CELF2: variants seen among roughly 807,000 people sequenced by gnomAD.
CELF2 encodes CUG triplet repeat RNA-binding protein 2.
Under a neutral mutation model 62.6 loss-of-function variants are expected in CELF2, and 8 were observed. The ratio of observed to expected loss-of-function variants is 0.13; its 90% CI spans 0.07 to 0.23. The LOEUF is 0.23. Among genes scored for constraint, CELF2 ranks in the 10% least tolerant of loss-of-function variants. CELF2 has a pLI of 1.00. For synonymous variants in CELF2, 258 were observed against 250.0 expected, an observed-to-expected ratio of 1.03 and a Z score of -0.30; for missense variants, 333 against 671.0, an observed-to-expected ratio of 0.50 and a Z score of 5.56.
intron 1 of CELF2, among the ~76,000 whole-genome samples, chr10:11,123,031 G>C (rs1212589239): frequency 6.6e-6 from 1 of 152,076 alleles, no homozygotes; most frequent in African/African-American, 2.4e-5. Context: ...GTAGCAAAAA[G>C]AAGAAAAATA....
At chr10:11,064,305 A>G (rs924129859) in intron 1 of CELF2, among the ~76,000 whole-genome samples, 2 of 152,122 alleles carry the variant, frequency 1.3e-5, no homozygotes, top group East Asian at 1.9e-4. Context: ...CCACATTTAG[A>G]TTAATTGACT....
rs183754557 is a variant in CELF2, at chr10:11,076,771, A to T, written c.74+58608A>T. ...ACTTAGGTCTGTTTTTAACTTCCTA[A>T]GCCTTAGGAAAATTTAAATCACCTG... On this transcript the variant is annotated intron_variant, in intron 1 of 12. Coordinates refer to ENST00000633077, the MANE Select transcript of CELF2 (RefSeq NM_001326342.2). Among the ~76,000 whole-genome samples the T allele has an allele frequency of 9.0e-4, 137 of 152,284 alleles. 3 individuals are homozygous for T. The highest frequency in any genetic ancestry group is 3.2e-3 in the African/African-American group (135 of 41,566).
chr10:11,149,827 C>G (rs116468748), intron 1 of CELF2, among the ~76,000 whole-genome samples: 1 of 152,168 alleles, frequency 6.6e-6, no homozygotes, highest in African/African-American at 2.4e-5. Flanking sequence ...GTTACCTCAT[C>G]ATCTTGCATC....
At chr10:11,088,738 G>C in intron 1 of CELF2, among the ~76,000 whole-genome samples, 1 of 152,174 alleles carries the variant, frequency 6.6e-6, no homozygotes, top group East Asian at 1.9e-4. Context: ...GGACTGCGTG[G>C]GTCAGGAGTT....
At chr10:10,689,767 T>C in the CELF2 span, among the ~76,000 whole-genome samples, 1 of 152,202 alleles carries the variant, frequency 6.6e-6, no homozygotes, top group Admixed American at 6.5e-5. Context: ...CCAAGGAATT[T>C]CAATAGAATT....
At chr10:10,492,251 A>G in the CELF2 span, among the ~76,000 whole-genome samples, 14 of 152,094 alleles carry the variant, frequency 9.2e-5, no homozygotes. Flanking sequence ...AACAGCTCAA[A>G]TCCAGCCTTG....
intron 2 of CELF2, among the ~76,000 whole-genome samples, chr10:10,925,614 G>A (rs893743680): frequency 6.6e-5 from 10 of 152,096 alleles, no homozygotes; most frequent in African/African-American, 2.4e-4. Flanking sequence ...TTTCAGCAGC[G>A]AGATGGGCTA....
chr10:10,718,268 C>T, the CELF2 span, among the ~76,000 whole-genome samples: 1 of 152,070 alleles, frequency 6.6e-6, no homozygotes, highest in African/African-American at 2.4e-5. Context: ...GAACCAAAAA[C>T]GCTTCCATTC....
the CELF2 span, among the ~76,000 whole-genome samples, chr10:10,697,511 C>A: frequency 6.6e-6 from 1 of 152,110 alleles, no homozygotes; most frequent in African/African-American, 2.4e-5. Context: ...ACGCTAGACT[C>A]GGGGTCTCCT....
intron 2 of CELF2, among the ~76,000 whole-genome samples, chr10:10,971,268 C>A (rs191345867): frequency 3.9e-5 from 6 of 152,270 alleles, no homozygotes; most frequent in Admixed American, 3.3e-4. Context: ...CAGCTACTTT[C>A]TTTTTATACA....
chr10:10,895,448 T>C (rs2062477177), intron 1 of CELF2, among the ~76,000 whole-genome samples: 1 of 152,094 alleles, frequency 6.6e-6, no homozygotes, highest in Non-Finnish European at 1.5e-5. Context: ...TTGTTGCTCA[T>C]AGCAAAATGA....
chr10:11,030,293 A>G (rs1035129830), intron 1 of CELF2: 2 of 152,234 alleles, frequency 1.3e-5, no homozygotes, highest in African/African-American at 4.8e-5. Context: ...AAATTTCCTC[A>G]ATAATTTGTG....
the CELF2 span, among the ~76,000 whole-genome samples, chr10:10,785,208 C>A: frequency 1.3e-5 from 2 of 152,112 alleles, no homozygotes; most frequent in Non-Finnish European, 2.9e-5. Context: ...CCGAACCCAC[C>A]CTTTACATCA....
At chr10:10,739,162 T>C in the CELF2 span, among the ~76,000 whole-genome samples, 1 of 152,302 alleles carries the variant, frequency 6.6e-6, no homozygotes, top group Admixed American at 6.5e-5. Flanking sequence ...ATGATATATG[T>C]TTATATGTAT....
chr10:10,527,001 G>A, the CELF2 span, among the ~76,000 whole-genome samples: 2 of 152,168 alleles, frequency 1.3e-5, no homozygotes, highest in African/African-American at 4.8e-5. Context: ...AAAATGTTAT[G>A]GTTTCATTAC....
At chr10:10,654,952 T>C in the CELF2 span, among the ~76,000 whole-genome samples, 92 of 143,348 alleles carry the variant, frequency 6.4e-4, 1 homozygote, top group East Asian at 7.3e-3. Context: ...GACGACATGA[T>C]TGTATATCTA....
chr10:11,214,313 A>G lies in CELF2; in HGVS notation c.272-3112A>G, dbSNP rs1190742061. Among the ~76,000 whole-genome samples the G allele has an allele frequency of 6.6e-6, 1 of 152,152 alleles. No individual in the cohort carries two copies. The highest frequency in any genetic ancestry group is 1.5e-5 in the Non-Finnish European group (1 of 67,994). On this transcript the variant is annotated intron_variant, in intron 2 of 12. Coordinates refer to ENST00000633077, the MANE Select transcript of CELF2 (RefSeq NM_001326342.2). The surrounding 1 kb of genome is among the most constrained non-coding windows in gnomAD (Gnocchi z 4.2). ...AAATAAATTTTTTAATGATGAAACTAACTAAGGTACTGAGGAGGTAAGATA... is the reference window on the plus strand; with the variant it reads ...AAATAAATTTTTTAATGATGAAACTGACTAAGGTACTGAGGAGGTAAGATA...
the CELF2 span, among the ~76,000 whole-genome samples, chr10:10,677,466 C>T: frequency 6.6e-6 from 1 of 152,200 alleles, no homozygotes; most frequent in Non-Finnish European, 1.5e-5. Flanking sequence ...CTGAGACGGT[C>T]ACAATCAGAA....
chr10:10,682,552 A>C, the CELF2 span, among the ~76,000 whole-genome samples: 4 of 152,166 alleles, frequency 2.6e-5, no homozygotes, highest in Non-Finnish European at 5.9e-5. Flanking sequence ...CACCTGCTAG[A>C]CAAGTAGTGA....
Sources: allele counts gnomAD v4.1 joint callset (sites outside exome capture counted in the v4.1 genomes callset), GRCh38; gene constraint gnomAD v4.1.1; non-coding constraint Gnocchi (gnomAD v3.1); transcripts MANE v1.5; gene names NCBI Gene and HGNC (gene_info 2026-07-23, HGNC 2026-07-21).